The following ALDH7A1 variants were observed in gnomAD, a reference collection of about 807,000 sequenced individuals.
ALDH7A1 encodes the protein aldehyde dehydrogenase 7 family member A1.
A neutral mutation model predicts 79.9 loss-of-function variants in ALDH7A1; 63 were observed. The ratio of observed to expected loss-of-function variants is 0.79; its 90% CI spans 0.64 to 0.97. ALDH7A1 has a LOEUF of 0.97. ALDH7A1 is among the 50% of genes least tolerant of loss of function. The pLI is 0.00. For missense variants in ALDH7A1, 627 were observed against 665.2 expected (o/e 0.94, Z 0.63); for synonymous variants, 240 against 231.2 (o/e 1.04, Z -0.34).
chr5:126,578,578 G>T lies in ALDH7A1; in HGVS notation c.518-1367C>A, dbSNP rs201430607. Among the ~76,000 whole-genome samples the T allele has an allele frequency of 6.2e-5, 9 of 145,934 alleles. No homozygotes were observed. In the East Asian group the frequency reaches 1.2e-3, roughly 20 times the overall value. On this transcript the variant is annotated intron_variant, in intron 5 of 17. Coordinates refer to ENST00000409134, the MANE Select transcript of ALDH7A1 (RefSeq NM_001182.5). Reference sequence around the variant, plus strand: ...TGCTTGAGCCCAGGGTATTGAGGCTGAAGTGACCTGGGATTGCACCACTGC... The same window carrying T: ...TGCTTGAGCCCAGGGTATTGAGGCTTAAGTGACCTGGGATTGCACCACTGC...
At chr5:126,579,320 C>T (rs574406801) in intron 5 of ALDH7A1, among the ~76,000 whole-genome samples, 1 of 152,204 alleles carries the variant, frequency 6.6e-6, no homozygotes, top group Non-Finnish European at 1.5e-5. Context: ...CCATTTGGGA[C>T]CTTACCTTGG....
intron 17 of ALDH7A1, 144 bp downstream of exon 17, chr5:126,546,180 G>T: frequency 1.3e-6 from 1 of 781,132 alleles, no homozygotes; most frequent in East Asian, 2.6e-5. Context: ...GCACCAAATA[G>T]ATACTTAGAG....
At chr5:126,576,180 G>C (rs532213281) in intron 6 of ALDH7A1, among the ~76,000 whole-genome samples, 27 of 150,360 alleles carry the variant, frequency 1.8e-4, no homozygotes, top group African/African-American at 6.6e-4. Flanking sequence ...GGAGAATGGC[G>C]TGAACCTGGG....
intron 16 of ALDH7A1, chr5:126,549,470 G>A (rs1749914684): frequency 6.1e-6 from 1 of 163,786 alleles, no homozygotes; most frequent in Non-Finnish European, 1.3e-5. Flanking sequence ...CATTAATAAT[G>A]TATGGCTTAT....
chr5:126,543,385 C>G lies in ALDH7A1; in HGVS notation c.*1580G>C, dbSNP rs1749677685. 1 of 152,134 alleles carries G rather than the reference C, an allele frequency of 6.6e-6. No individual in the cohort carries two copies. The highest frequency in any genetic ancestry group is 1.5e-5 in the Non-Finnish European group (1 of 68,028). The allele number at this position is 152,134 out of a possible 1,614,324, so 9.4% of individuals were successfully genotyped here. On this transcript the variant is annotated 3_prime_UTR_variant, in exon 18 of 18. Transcript: ENST00000409134. ...GCTAAGATTATCACTCCCACATACC[C>G]TCACCCATGATTTCTTCCTGCCAAC...
chr5:126,548,308 C>G (rs2112749365), intron 16 of ALDH7A1, among the ~76,000 whole-genome samples: 1 of 152,094 alleles, frequency 6.6e-6, no homozygotes, highest in Middle Eastern at 3.4e-3. Flanking sequence ...GACACCACAA[C>G]TGGCTAGTTT....
Position 126,554,333 on chromosome 5 carries a change from A to G in ALDH7A1, c.1154T>C (p.Val385Ala), listed in dbSNP as rs1368334087. ...KQAVSMFLGAVEEAKKEGGTV... is the reference protein window; with the variant it reads ...KQAVSMFLGAAEEAKKEGGTV... ...GCCACCTTCTTTCTTTGCTTCTTCC[A>G]CTGCTCCAAGAAACATGCTCACTGC... Residue 385 changes from valine (V) to alanine (A), a missense_variant, in exon 13 of 18, where the codon GTG becomes GCG. By Grantham distance (64) the Val-to-Ala change is moderately conservative (BLOSUM62 0). Coordinates refer to ENST00000409134, the MANE Select transcript of ALDH7A1 (RefSeq NM_001182.5). The G allele has an allele frequency of 6.2e-7, 1 of 1,613,968 alleles. No individual in the cohort carries two copies. The highest frequency in any genetic ancestry group is 8.5e-7 in the Non-Finnish European group (1 of 1,180,010).
chr5:126,584,945 C>T (rs972857387), intron 3 of ALDH7A1, among the ~76,000 whole-genome samples: 8 of 152,102 alleles, frequency 5.3e-5, no homozygotes, highest in Non-Finnish European at 1.5e-5. Flanking sequence ...ACAATTTCTC[C>T]AACTGTGACC....
intron 6 of ALDH7A1, among the ~76,000 whole-genome samples, chr5:126,576,226 G>GCA (rs1206556767): frequency 1.4e-5 from 2 of 139,338 alleles, no homozygotes; most frequent in Non-Finnish European, 3.0e-5. Context: ...CCGCGCCCCT[G>GCA]CACTCCAGCC....
At chr5:126,552,757 GT>G (rs1750047422) in intron 13 of ALDH7A1, among the ~76,000 whole-genome samples, 1 of 151,030 alleles carries the variant, frequency 6.6e-6, no homozygotes, top group Non-Finnish European at 1.5e-5. Flanking sequence ...TTATTATTTG[GT>G]TTTTTGTTTT....
At chr5:126,580,214 T>G (rs1342864664) in intron 5 of ALDH7A1, 1 of 160,458 alleles carries the variant, frequency 6.2e-6, no homozygotes, top group Non-Finnish European at 1.5e-5. Flanking sequence ...TTCTCCTGCC[T>G]CAGCCTCCCG....
intron 7 of ALDH7A1, among the ~76,000 whole-genome samples, chr5:126,574,023 CAAAAAAAAAAAAA>C (rs34601459): frequency 1.7e-5 from 1 of 57,244 alleles, no homozygotes; most frequent in African/African-American, 6.6e-5. Context: ...AAGACTGTCT[CAAAAAAAAAAAAA>C]AAAAAAAAAA....
intron 14 of ALDH7A1, among the ~76,000 whole-genome samples, chr5:126,551,486 T>C (rs1749996700): frequency 6.6e-6 from 1 of 151,986 alleles, no homozygotes; most frequent in Non-Finnish European, 1.5e-5. Flanking sequence ...CACGCCTGGC[T>C]AATTTTTTTG....
At chr5:126,562,253 G>A (rs1750427712) in intron 9 of ALDH7A1, 1 of 150,972 alleles carries the variant, frequency 6.6e-6, no homozygotes, top group Non-Finnish European at 1.5e-5. Flanking sequence ...CCCAGGCTGG[G>A]GTGTACTAGC....
At chr5:126,589,209 G>A (rs990679439) in intron 3 of ALDH7A1, among the ~76,000 whole-genome samples, 1 of 152,070 alleles carries the variant, frequency 6.6e-6, no homozygotes, top group African/African-American at 2.4e-5. Context: ...CCAGGCTGGG[G>A]TGCAATGGCT....
At chr5:126,577,008 C>T in intron 6 of ALDH7A1, 71 bp downstream of exon 6, 1 of 1,598,626 alleles carries the variant, frequency 6.3e-7, no homozygotes, top group South Asian at 1.1e-5. Flanking sequence ...ACTGAAGAGG[C>T]TGAGGTAGTA....
chr5:126,558,166 CAAAAAAAAAAAAAA>C (rs35559498), intron 11 of ALDH7A1, among the ~76,000 whole-genome samples: 10 of 75,428 alleles, frequency 1.3e-4, no homozygotes, highest in Non-Finnish European at 1.8e-4. Context: ...GACTCCAACT[CAAAAAAAAAAAAAA>C]AAAAAAAAAA....
Position 126,561,080 on chromosome 5 carries a change from T to C in ALDH7A1, c.913+3A>G. On this transcript the variant is annotated splice_donor_region_variant and intron_variant, in intron 10 of 17. Transcript: ENST00000409134. ...ACAAACAAAAACAAAGAGGCAGCCT[T>C]ACCAATAATGGCATTGTTTCCTCCA... The C allele has an allele frequency of 6.2e-7, 1 of 1,613,294 alleles. No homozygotes were observed. The highest frequency in any genetic ancestry group is 8.5e-7 in the Non-Finnish European group (1 of 1,179,572).
chr5:126,545,086 T>C (rs1749742741), intron 17 of ALDH7A1, 67 bp from the exon 18 acceptor site: 2 of 1,195,916 alleles, frequency 1.7e-6, no homozygotes, highest in East Asian at 4.7e-5. Flanking sequence ...TGCCCACTTT[T>C]AAAATGTAGC....
Sources: allele counts gnomAD v4.1 joint callset (sites outside exome capture counted in the v4.1 genomes callset), GRCh38; gene constraint gnomAD v4.1.1; transcripts MANE v1.5; gene names NCBI Gene and HGNC (gene_info 2026-07-23, HGNC 2026-07-21).